FSTL5: variants seen among roughly 807,000 people sequenced by gnomAD.
FSTL5 encodes the protein follistatin-related protein 5.
Under a neutral mutation model 89.1 loss-of-function variants are expected in FSTL5, and 62 were observed. The observed-to-expected ratio is 0.70, with a 90% confidence interval of 0.57 to 0.86. The LOEUF is 0.86. Among genes scored for constraint, FSTL5 ranks in the 40% least tolerant of loss-of-function variants. The pLI is 0.00. For synonymous variants in FSTL5, 383 were observed against 346.2 expected (o/e 1.11, Z -1.18); for missense variants, 1,057 against 1,001.6 (o/e 1.06, Z -0.75).
intron 4 of FSTL5, among the ~76,000 whole-genome samples, chr4:161,815,902 A>T (rs949363190): frequency 2.6e-5 from 4 of 152,228 alleles, no homozygotes; most frequent in Admixed American, 2.0e-4. Flanking sequence ...AGGATAAGTA[A>T]GTCAAATGAA....
At chr4:161,621,491 A>G (rs1334485950) in intron 7 of FSTL5, among the ~76,000 whole-genome samples, 2 of 152,190 alleles carry the variant, frequency 1.3e-5, no homozygotes, top group South Asian at 2.1e-4. Context: ...TCTCCTCTCA[A>G]CAAAGTTTTA....
chr4:161,697,358 T>C (rs1201054924), intron 6 of FSTL5, among the ~76,000 whole-genome samples: 1 of 152,220 alleles, frequency 6.6e-6, no homozygotes, highest in African/African-American at 2.4e-5. Context: ...CAATATCTGT[T>C]TCAGGGGAAA....
chr4:161,986,516 C>T (rs1578920351), intron 3 of FSTL5, among the ~76,000 whole-genome samples: 2 of 152,180 alleles, frequency 1.3e-5, no homozygotes, highest in Admixed American at 1.3e-4. Context: ...TGTGCCACTG[C>T]ACTCTAGCCT....
At chr4:161,561,206 G>GATAC (rs77725312) in intron 8 of FSTL5, among the ~76,000 whole-genome samples, 26,643 of 151,508 alleles carry the variant, frequency 0.18, 2,708 homozygotes, top group East Asian at 0.39. Context: ...TAGATAGATA[G>GATAC]ATAGATAGAT....
chr4:161,546,329 G>A (rs1052178038), intron 8 of FSTL5, among the ~76,000 whole-genome samples: 3 of 149,134 alleles, frequency 2.0e-5, no homozygotes, highest in Middle Eastern at 3.6e-3. Context: ...AAACTGAAGA[G>A]AGCGATATTT....
At chr4:161,905,162 C>A (rs1481076045) in intron 4 of FSTL5, among the ~76,000 whole-genome samples, 3 of 151,884 alleles carry the variant, frequency 2.0e-5, no homozygotes, top group East Asian at 3.9e-4. Context: ...AGGAAAAATT[C>A]TCATTTTGTT....
chr4:161,445,448 ATAGT>A (rs952019538), intron 15 of FSTL5, among the ~76,000 whole-genome samples: 15 of 151,970 alleles, frequency 9.9e-5, no homozygotes, highest in African/African-American at 2.7e-4. Flanking sequence ...TTACTTGCAT[ATAGT>A]TAGAAAACTT....
intron 2 of FSTL5, among the ~76,000 whole-genome samples, chr4:162,092,970 AAG>A (rs1730608522): frequency 2.1e-5 from 3 of 141,008 alleles, no homozygotes; most frequent in South Asian, 2.3e-4. Flanking sequence ...AAAAAAAAAA[AAG>A]AAAGATAGCC....
chr4:161,459,891 C>A (rs1244871205), intron 13 of FSTL5, among the ~76,000 whole-genome samples: 2 of 151,592 alleles, frequency 1.3e-5, no homozygotes, highest in Non-Finnish European at 2.9e-5. Flanking sequence ...AAAAAGAATT[C>A]TTTTTTTATG....
chr4:161,568,845 T>C (rs1377483973), intron 8 of FSTL5, among the ~76,000 whole-genome samples: 1 of 152,192 alleles, frequency 6.6e-6, no homozygotes, highest in Non-Finnish European at 1.5e-5. Flanking sequence ...AGGTTATTAC[T>C]CTAAATTATT....
chr4:161,580,434 G>C lies in FSTL5; in HGVS notation c.1015+7021C>G, dbSNP rs145000180. ...TGAGAAAAGACCCTAGGTTCAACTA[G>C]TTTTGATTTGACAAGTGATCCCAGG... On this transcript the variant is annotated intron_variant, in intron 8 of 15. Coordinates refer to ENST00000306100, the MANE Select transcript of FSTL5 (RefSeq NM_020116.5). 1.1e-4 allele frequency among the ~76,000 whole-genome samples: 16 copies of C among 152,244 alleles called. No individual in the cohort carries two copies. In the East Asian group the frequency reaches 3.1e-3, roughly 29 times the overall value.
At chr4:161,682,931 G>A (rs1232632286) in intron 6 of FSTL5, among the ~76,000 whole-genome samples, 1 of 151,934 alleles carries the variant, frequency 6.6e-6, no homozygotes, top group Non-Finnish European at 1.5e-5. Context: ...ATTTTTAGTA[G>A]AGATGGGGTT....
chr4:161,673,048 C>T (rs970779299), intron 6 of FSTL5, among the ~76,000 whole-genome samples: 2 of 151,708 alleles, frequency 1.3e-5, no homozygotes, highest in Non-Finnish European at 1.5e-5. Flanking sequence ...AGGTTTTGGG[C>T]AATTTATCTT....
chr4:161,617,888 C>T (rs1300257732), intron 7 of FSTL5, among the ~76,000 whole-genome samples: 8 of 152,152 alleles, frequency 5.3e-5, no homozygotes, highest in Non-Finnish European at 1.0e-4. Context: ...ATGGGGATGG[C>T]ACTGAATCTA....
At chr4:161,900,347 A>T (rs1733311859) in intron 4 of FSTL5, among the ~76,000 whole-genome samples, 2 of 152,060 alleles carry the variant, frequency 1.3e-5, no homozygotes, top group African/African-American at 2.4e-5. Flanking sequence ...GTGGTTAGTA[A>T]CTCGGGTTCT....
At chr4:161,900,468 G>A (rs1733316171) in intron 4 of FSTL5, among the ~76,000 whole-genome samples, 1 of 151,184 alleles carries the variant, frequency 6.6e-6, no homozygotes, top group Non-Finnish European at 1.5e-5. Flanking sequence ...GTGAAACACT[G>A]CCTCTACTAA....
chr4:161,584,658 T>C (rs62324348), intron 8 of FSTL5, among the ~76,000 whole-genome samples: 28,908 of 152,144 alleles, frequency 0.19, 3,221 homozygotes, highest in Non-Finnish European at 0.23. Flanking sequence ...TTGAATTGAC[T>C]ATAATCATAG....
intron 7 of FSTL5, among the ~76,000 whole-genome samples, chr4:161,625,212 T>A (rs116080186): frequency 0.015 from 2,223 of 152,230 alleles, 53 homozygotes; most frequent in African/African-American, 0.049. Flanking sequence ...CAGTACAAGC[T>A]TACTTTGCTT....
intron 4 of FSTL5, among the ~76,000 whole-genome samples, chr4:161,854,607 C>G (rs1428522243): frequency 2.0e-5 from 3 of 152,068 alleles, no homozygotes; most frequent in Non-Finnish European, 2.9e-5. Context: ...TTTGTAGATT[C>G]TTTAGTCAGA....
Sources: gnomAD v4.1 joint callset for allele counts (sites outside exome capture counted in the v4.1 genomes callset) on GRCh38, gnomAD v4.1.1 for gene constraint, MANE v1.5 for transcripts, NCBI Gene and HGNC (gene_info 2026-07-23, HGNC 2026-07-21) for gene names.